The following CNTN1 variants were observed in gnomAD, a reference collection of about 807,000 sequenced individuals.
The protein encoded by CNTN1 is contactin 1.
Under a neutral mutation model 126.4 loss-of-function variants are expected in CNTN1, and 38 were observed. The ratio of observed to expected loss-of-function variants is 0.30; its 90% CI spans 0.23 to 0.39. The LOEUF (loss-of-function observed/expected upper bound fraction) is 0.39. CNTN1 is among the 10% of genes least tolerant of loss of function. CNTN1 has a pLI of 1.00. For synonymous variants in CNTN1, 413 were observed against 422.6 expected (o/e 0.98, Z 0.28); for missense variants, 1,009 against 1,248.4 (o/e 0.81, Z 2.89).
At chr12:40,929,742 T>A in intron 6 of CNTN1, 54 bp from the exon 7 acceptor site, 1 of 1,322,172 alleles carries the variant, frequency 7.6e-7, no homozygotes. Flanking sequence ...TATTAAATTA[T>A]GTAACAACTT....
chr12:40,876,569 A>G (rs553495007), intron 1 of CNTN1, among the ~76,000 whole-genome samples: 6 of 152,260 alleles, frequency 3.9e-5, no homozygotes, highest in African/African-American at 1.4e-4. Context: ...ACTAGAGCCA[A>G]TGAATATAAT....
intron 17 of CNTN1, among the ~76,000 whole-genome samples, chr12:41,008,749 C>T (rs1286395505): frequency 6.6e-6 from 1 of 152,132 alleles, no homozygotes; most frequent in Non-Finnish European, 1.5e-5. Context: ...TCTGACTTGT[C>T]CTAAACATCT....
chr12:41,037,520 A>G (rs1284193852), intron 23 of CNTN1, among the ~76,000 whole-genome samples: 1 of 152,116 alleles, frequency 6.6e-6, no homozygotes, highest in Admixed American at 6.6e-5. Flanking sequence ...AGGTATAGTC[A>G]TATGTTCGCA....
intron 23 of CNTN1, among the ~76,000 whole-genome samples, chr12:41,069,407 A>T (rs1216648022): frequency 6.6e-6 from 1 of 152,168 alleles, no homozygotes; most frequent in Non-Finnish European, 1.5e-5. Context: ...AGGAAAAATT[A>T]TTAGTATTTT....
intron 1 of CNTN1, among the ~76,000 whole-genome samples, chr12:40,744,754 T>C (rs1282207950): frequency 6.6e-6 from 1 of 152,094 alleles, no homozygotes; most frequent in African/African-American, 2.4e-5. Context: ...TTTTTAAGGA[T>C]GACCAGAGGA....
chr12:41,008,786 T>C (rs1948571795), intron 17 of CNTN1, among the ~76,000 whole-genome samples: 1 of 152,246 alleles, frequency 6.6e-6, no homozygotes, highest in Non-Finnish European at 1.5e-5. Context: ...GCTATTTTCT[T>C]TAGGACAAGT....
chr12:40,961,214 C>T (rs1947097165), intron 15 of CNTN1, among the ~76,000 whole-genome samples: 1 of 151,986 alleles, frequency 6.6e-6, no homozygotes, highest in Admixed American at 6.6e-5. Context: ...CATGAAAATA[C>T]TGCTTACCTC....
chr12:40,812,947 T>A lies in CNTN1; in HGVS notation c.-76-95410T>A, dbSNP rs1051075783. ...CTTAATACTGCCAGTTTGTTAATTT[T>A]TTTTTTTTTTTTGGTTGTTTTGAAA... On this transcript the variant is annotated intron_variant, in intron 1 of 23. Transcript: ENST00000551295. Among the ~76,000 whole-genome samples the A allele has an allele frequency of 6.1e-5, 9 of 148,448 alleles. No individual in the cohort carries two copies. The East Asian group carries it at 1.5e-3, about 25-fold the overall frequency.
intron 23 of CNTN1, among the ~76,000 whole-genome samples, chr12:41,045,802 T>C (rs1949528057): frequency 6.6e-6 from 1 of 152,092 alleles, no homozygotes. Context: ...AAATAAATAA[T>C]TTAGAACAAT....
At chr12:40,926,625 TG>T (rs1268618079) in intron 6 of CNTN1, among the ~76,000 whole-genome samples, 1 of 152,032 alleles carries the variant, frequency 6.6e-6, no homozygotes, top group Non-Finnish European at 1.5e-5. Flanking sequence ...AGAAAGGACC[TG>T]GGGAGGACAA....
At chr12:40,991,092 T>C (rs1359231847) in intron 16 of CNTN1, among the ~76,000 whole-genome samples, 1 of 152,160 alleles carries the variant, frequency 6.6e-6, no homozygotes, top group Non-Finnish European at 1.5e-5. Context: ...AGAAATTTAC[T>C]CTCTCATAGT....
intron 16 of CNTN1, among the ~76,000 whole-genome samples, chr12:40,986,286 C>T (rs1365682978): frequency 6.6e-6 from 1 of 152,090 alleles, no homozygotes; most frequent in Non-Finnish European, 1.5e-5. Flanking sequence ...TAACTTTTTG[C>T]TCAATTCCAA....
At chr12:41,038,053 G>C (rs1480773536) in intron 23 of CNTN1, among the ~76,000 whole-genome samples, 1 of 152,100 alleles carries the variant, frequency 6.6e-6, no homozygotes, top group African/African-American at 2.4e-5. Flanking sequence ...AGCTACTCAG[G>C]AGGCTGATGC....
At chr12:40,838,864 A>C (rs1942173499) in intron 1 of CNTN1, among the ~76,000 whole-genome samples, 1 of 152,178 alleles carries the variant, frequency 6.6e-6, no homozygotes, top group Non-Finnish European at 1.5e-5. Context: ...AGCATGAAAA[A>C]ACAAGGAAAT....
In CNTN1 at chr12:40,762,668, T is replaced by G. The variant is rs145102685; in HGVS notation, c.-77+70076T>G. On this transcript the variant is annotated intron_variant, in intron 1 of 23. Transcript: ENST00000551295. ...TGTCCTAGCAGCTGGGTTTGAATCT[T>G]CACTCATGCATAAGAGCTGTCTGAG... Among the ~76,000 whole-genome samples, 69 of 152,316 alleles carry G rather than the reference T, an allele frequency of 4.5e-4. 1 individual carries two copies. In the East Asian group the frequency reaches 7.5e-3, roughly 17 times the overall value.
chr12:40,996,066 TC>T (rs1490895528), intron 17 of CNTN1, among the ~76,000 whole-genome samples: 1 of 152,104 alleles, frequency 6.6e-6, no homozygotes, highest in African/African-American at 2.4e-5. Context: ...GGGCCACTGA[TC>T]CTTTGGTGGA....
intron 1 of CNTN1, among the ~76,000 whole-genome samples, chr12:40,725,912 T>TA (rs200879472): frequency 0.046 from 6,609 of 144,456 alleles, 287 homozygotes; most frequent in African/African-American, 0.12. Flanking sequence ...GGCATTCAAT[T>TA]AAAAAAAAAA....
At chr12:40,768,591 A>G (rs1010706531) in intron 1 of CNTN1, among the ~76,000 whole-genome samples, 1 of 152,208 alleles carries the variant, frequency 6.6e-6, no homozygotes, top group Non-Finnish European at 1.5e-5. Context: ...CATCTCTAAC[A>G]GTTCCTGGCT....
At chr12:40,744,050 C>G (rs1035566597) in intron 1 of CNTN1, among the ~76,000 whole-genome samples, 9 of 151,848 alleles carry the variant, frequency 5.9e-5, no homozygotes, top group Non-Finnish European at 1.3e-4. Flanking sequence ...AACCAAACAC[C>G]ACATGTTTTC....
Sources: gnomAD v4.1 joint callset for allele counts (sites outside exome capture counted in the v4.1 genomes callset) on GRCh38, gnomAD v4.1.1 for gene constraint, MANE v1.5 for transcripts, NCBI Gene and HGNC (gene_info 2026-07-23, HGNC 2026-07-21) for gene names.